The following ANKRD11 variants were observed in gnomAD, a reference collection of about 807,000 sequenced individuals.
The protein encoded by ANKRD11 is ankyrin repeat domain-containing protein 11.
ANKRD11 carries 17 observed loss-of-function variants against 195.7 expected under a neutral mutation model. The observed-to-expected ratio is 0.09, with a 90% CI of 0.06 to 0.13. The LOEUF (loss-of-function observed/expected upper bound fraction) is 0.13. Among genes scored for constraint, ANKRD11 ranks in the 10% least tolerant of loss-of-function variants. The probability of loss-of-function intolerance (pLI) is 1.00; values close to 1 mark genes in which losing one functional copy is unlikely to be tolerated. For missense variants in ANKRD11, 3,735 were observed against 3,566.1 expected (o/e 1.05, Z -1.21); for synonymous variants, 1,953 against 1,528.1 (o/e 1.28, Z -6.49).
chr16:89,280,343 T>C lies in ANKRD11; in HGVS notation c.6199A>G (p.Ser2067Gly), dbSNP rs1567558766. Residue 2067 changes from serine to glycine, a missense_variant, in exon 9 of 13, where the codon AGC becomes GGC. Coordinates refer to ENST00000301030, the MANE Select transcript of ANKRD11 (RefSeq NM_013275.6). Reference sequence around the variant, plus strand: ...GCTTCCGGAAGTGACTTGCAGTTGCTGAAGAAGGACTCCAGCCCGGAGGGA... The same window carrying C: ...GCTTCCGGAAGTGACTTGCAGTTGCCGAAGAAGGACTCCAGCCCGGAGGGA... Reference protein sequence around the residue: ...APPSGLESFFSNCKSLPEAPL... With the variant: ...APPSGLESFFGNCKSLPEAPL... 1.3e-6 allele frequency: 2 copies of C among 1,577,302 alleles called. No homozygotes were observed. The highest frequency in any genetic ancestry group is 1.8e-5 in the Admixed American group (1 of 55,750).
intron 6 of ANKRD11, among the ~76,000 whole-genome samples, chr16:89,289,934 T>C (rs2034914182): frequency 1.3e-5 from 2 of 152,108 alleles, no homozygotes; most frequent in Non-Finnish European, 2.9e-5. Flanking sequence ...GAAGGCTGAG[T>C]TGGGAACATC....
chr16:89,324,220 C>CAGCAT (rs1325212199), intron 2 of ANKRD11: 1 of 1,195,088 alleles, frequency 8.4e-7, no homozygotes, highest in African/African-American at 1.6e-5. Flanking sequence ...TTACTGGCCT[C>CAGCAT]TGCTTTGCCC....
At chr16:89,472,984 G>A (rs1322755533) in intron 1 of ANKRD11, among the ~76,000 whole-genome samples, 3 of 152,072 alleles carry the variant, frequency 2.0e-5, no homozygotes, top group Non-Finnish European at 4.4e-5. Flanking sequence ...GAGCCCAGAA[G>A]TTGGGAGACC....
At chr16:89,377,085 A>G (rs1307692721) in intron 2 of ANKRD11, among the ~76,000 whole-genome samples, 1 of 152,206 alleles carries the variant, frequency 6.6e-6, no homozygotes, top group Non-Finnish European at 1.5e-5. Flanking sequence ...AACTGCCTTA[A>G]ATGTTCTTTT....
intron 2 of ANKRD11, among the ~76,000 whole-genome samples, chr16:89,345,655 G>A (rs1369107638): frequency 6.6e-6 from 1 of 152,242 alleles, no homozygotes; most frequent in Non-Finnish European, 1.5e-5. Context: ...ACAAGACCAA[G>A]TTTGTCAGAT....
intron 2 of ANKRD11, among the ~76,000 whole-genome samples, chr16:89,375,880 C>A (rs185297039): frequency 1.3e-5 from 2 of 151,972 alleles, no homozygotes; most frequent in East Asian, 3.9e-4. Context: ...GTGCCACTAG[C>A]GATGCTGGCA....
At chr16:89,307,807 C>G (rs1333992633) in intron 3 of ANKRD11, among the ~76,000 whole-genome samples, 1 of 152,262 alleles carries the variant, frequency 6.6e-6, no homozygotes, top group African/African-American at 2.4e-5. Context: ...AAGCTCCAAT[C>G]TTAAACTCCT....
intron 2 of ANKRD11, among the ~76,000 whole-genome samples, chr16:89,353,441 AGAG>A (rs1292588951): frequency 2.0e-5 from 3 of 152,192 alleles, no homozygotes; most frequent in Non-Finnish European, 4.4e-5. Flanking sequence ...ACCAGCAGTA[AGAG>A]GAACACCAGT....
At chr16:89,289,788 C>A (rs2034902582) in intron 6 of ANKRD11, among the ~76,000 whole-genome samples, 1 of 152,260 alleles carries the variant, frequency 6.6e-6, no homozygotes, top group Admixed American at 6.5e-5. Flanking sequence ...CAGCTATAAT[C>A]CCAGCACTTT....
chr16:89,353,086 T>C (rs941317947), intron 2 of ANKRD11, among the ~76,000 whole-genome samples: 30 of 152,136 alleles, frequency 2.0e-4, no homozygotes, highest in Admixed American at 1.9e-3. Flanking sequence ...ACGCCTGTAA[T>C]TAATCCCAGC....
chr16:89,417,194 C>A (rs541246850), intron 2 of ANKRD11, among the ~76,000 whole-genome samples: 2 of 152,228 alleles, frequency 1.3e-5, no homozygotes, highest in South Asian at 4.1e-4. Flanking sequence ...TGACTCCAGG[C>A]GACTGAGATA....
intron 2 of ANKRD11, chr16:89,321,055 G>T (rs761921473): frequency 2.0e-5 from 3 of 152,508 alleles, no homozygotes; most frequent in African/African-American, 4.8e-5. Flanking sequence ...CCCACCACGC[G>T]CCAGCGAGCA....
At chr16:89,396,033 G>C (rs2041411975) in intron 2 of ANKRD11, 1 of 152,220 alleles carries the variant, frequency 6.6e-6, no homozygotes. Flanking sequence ...AACTCTGGTT[G>C]TTCGGACATG....
chr16:89,476,368 C>A (rs1389547409), intron 1 of ANKRD11, among the ~76,000 whole-genome samples: 1 of 152,180 alleles, frequency 6.6e-6, no homozygotes. Context: ...AGACTGTTAA[C>A]GTGTCCTATT....
At chr16:89,271,274 G>A (rs2033129676) in intron 11 of ANKRD11, 1 of 342,650 alleles carries the variant, frequency 2.9e-6, no homozygotes, top group African/African-American at 2.2e-5. Flanking sequence ...AGTTTCGCTT[G>A]TTGCCCAGGC....
chr16:89,274,905 G>A lies in ANKRD11; in HGVS notation c.7622C>T (p.Ala2541Val), dbSNP rs773189154. 2.5e-6 allele frequency: 4 copies of A among 1,613,524 alleles called. No homozygotes were observed. The highest frequency in any genetic ancestry group is 1.7e-5 in the Admixed American group (1 of 60,028). Residue 2541 changes from alanine (A) to valine (V), a missense_variant, in exon 11 of 13, where the codon GCG (alanine) becomes GTG (valine). Physicochemically the swap from Ala to Val is moderately conservative, Grantham distance 64 (BLOSUM62 0). Coordinates refer to ENST00000301030, the MANE Select transcript of ANKRD11 (RefSeq NM_013275.6). ...EQEILRVHCR[A>V]ARTIANQAVP... ...TGCCTGGTTGGCGATGGTCCTGGCC[G>A]CCCGGCAGTGAACCCGCAGAATCTC... is the stretch of plus-strand genomic sequence containing the variant.
chr16:89,469,346 T>G (rs868645263), intron 1 of ANKRD11, among the ~76,000 whole-genome samples: 10 of 152,176 alleles, frequency 6.6e-5, no homozygotes, highest in Non-Finnish European at 1.3e-4. Flanking sequence ...CTCTGCCTCC[T>G]GAGCAGCTGG....
chr16:89,455,360 T>C (rs1209187108), intron 1 of ANKRD11, among the ~76,000 whole-genome samples: 2 of 151,946 alleles, frequency 1.3e-5, no homozygotes, highest in African/African-American at 2.4e-5. Context: ...GGGTTCCTCA[T>C]GCTATCTCCC....
intron 1 of ANKRD11, among the ~76,000 whole-genome samples, chr16:89,428,124 C>T (rs2152261490): frequency 6.6e-6 from 1 of 152,040 alleles, no homozygotes; most frequent in East Asian, 2.0e-4. Flanking sequence ...GGGAGAATCA[C>T]TTGAACCCAG....
Sources: gnomAD v4.1 joint callset for allele counts (sites outside exome capture counted in the v4.1 genomes callset) on GRCh38, gnomAD v4.1.1 for gene constraint, MANE v1.5 for transcripts, NCBI Gene and HGNC (gene_info 2026-07-23, HGNC 2026-07-21) for gene names.